The following NEGR1 variants were observed in gnomAD, a reference collection of about 807,000 sequenced individuals.
NEGR1 encodes IgLON family member 4.
In NEGR1, 10 loss-of-function variants were observed where a neutral mutation model predicts 40.9. The ratio of observed to expected loss-of-function variants is 0.24; its 90% CI spans 0.15 to 0.42. NEGR1 has a LOEUF of 0.42. NEGR1 is among the 10% of genes least tolerant of loss of function. The pLI, the probability that NEGR1 is intolerant of heterozygous loss-of-function variation, is 1.00. For synonymous variants in NEGR1, 185 were observed against 166.8 expected, an observed-to-expected ratio of 1.11 and a Z score of -0.84; for missense variants, 352 against 438.9, an observed-to-expected ratio of 0.80 and a Z score of 1.77.
At position 71,941,442 on chromosome 1, in the gene NEGR1, GATA is replaced by G. The variant is rs754635425; in HGVS notation, c.177-6134_177-6132del. On this transcript the variant is annotated intron_variant, in intron 1 of 6. Transcript: ENST00000357731. ...TGTATGGTTATATAAATATTTCCTA[GATA>G]ATAATATCACTTTATATAATCTTAT... Among the ~76,000 whole-genome samples the G allele has an allele frequency of 5.9e-5, 9 of 152,014 alleles. No homozygotes were observed. The East Asian group carries it at 7.7e-4, about 13-fold the overall frequency.
intron 1 of NEGR1, among the ~76,000 whole-genome samples, chr1:72,248,940 T>A (rs892398985): frequency 6.6e-6 from 1 of 152,184 alleles, no homozygotes; most frequent in Non-Finnish European, 1.5e-5. Context: ...AACCATATTA[T>A]CTGTAAAGTT....
chr1:72,123,411 A>G (rs1440559289), intron 1 of NEGR1, among the ~76,000 whole-genome samples: 1 of 151,888 alleles, frequency 6.6e-6, no homozygotes, highest in Non-Finnish European at 1.5e-5. Flanking sequence ...TTAAAACCGT[A>G]TAACTAAAAT....
At chr1:71,928,286 A>ATGTG (rs1645809974) in intron 2 of NEGR1, among the ~76,000 whole-genome samples, 1 of 141,542 alleles carries the variant, frequency 7.1e-6, no homozygotes, top group Non-Finnish European at 1.5e-5. Context: ...ATATACACAC[A>ATGTG]TATGTATATA....
intron 1 of NEGR1, among the ~76,000 whole-genome samples, chr1:72,200,904 T>C (rs999286856): frequency 2.6e-5 from 4 of 151,988 alleles, no homozygotes; most frequent in African/African-American, 9.6e-5. Flanking sequence ...TATACTTTAC[T>C]AATAATAAGT....
intron 1 of NEGR1, among the ~76,000 whole-genome samples, chr1:72,162,777 CTTA>C (rs1557557500): frequency 6.6e-6 from 1 of 152,108 alleles, no homozygotes; most frequent in Non-Finnish European, 1.5e-5. Context: ...CAATCATGGT[CTTA>C]TTATGTGATT....
chr1:71,460,596 T>G (rs181401735), intron 6 of NEGR1, among the ~76,000 whole-genome samples: 1 of 152,222 alleles, frequency 6.6e-6, no homozygotes, highest in African/African-American at 2.4e-5. Flanking sequence ...TGATACTTAG[T>G]GTATCTTGTG....
chr1:71,567,728 T>A (rs531763502), intron 6 of NEGR1, among the ~76,000 whole-genome samples: 1 of 152,282 alleles, frequency 6.6e-6, no homozygotes, highest in South Asian at 2.1e-4. Context: ...CCCCTCCGCC[T>A]CAAATTTGTA....
intron 1 of NEGR1, among the ~76,000 whole-genome samples, chr1:72,224,196 AT>A (rs1341289440): frequency 7.7e-6 from 1 of 129,974 alleles, no homozygotes; most frequent in Non-Finnish European, 1.9e-5. Flanking sequence ...GACATTCAAC[AT>A]TTACTGTCTA....
intron 1 of NEGR1, among the ~76,000 whole-genome samples, chr1:72,067,687 G>T (rs567842605): frequency 1.3e-5 from 2 of 152,012 alleles, no homozygotes; most frequent in South Asian, 4.1e-4. Flanking sequence ...TATCAGGTTT[G>T]TGGATTTGAA....
chr1:71,993,971 C>T (rs1222312813), intron 1 of NEGR1, among the ~76,000 whole-genome samples: 1 of 152,144 alleles, frequency 6.6e-6, no homozygotes, highest in Non-Finnish European at 1.5e-5. Flanking sequence ...CTCCACTCTT[C>T]TTACCACCTA....
At chr1:71,873,766 G>A (rs188302047) in intron 2 of NEGR1, among the ~76,000 whole-genome samples, 3 of 152,206 alleles carry the variant, frequency 2.0e-5, no homozygotes, top group Admixed American at 1.3e-4. Flanking sequence ...GGGTGTTACT[G>A]TAATAGTTCA....
chr1:71,478,333 G>C (rs1439318859), intron 6 of NEGR1, among the ~76,000 whole-genome samples: 1 of 152,024 alleles, frequency 6.6e-6, no homozygotes, highest in East Asian at 1.9e-4. Flanking sequence ...GGCATTTTAT[G>C]GTCTGGCACA....
At chr1:71,770,895 T>C (rs1009736004) in intron 3 of NEGR1, among the ~76,000 whole-genome samples, 2 of 152,146 alleles carry the variant, frequency 1.3e-5, no homozygotes, top group Non-Finnish European at 2.9e-5. Flanking sequence ...AGTGTGGTAA[T>C]TCCTTAAGGA....
intron 1 of NEGR1, among the ~76,000 whole-genome samples, chr1:72,004,445 G>A (rs1324178431): frequency 1.3e-5 from 2 of 151,990 alleles, no homozygotes; most frequent in Non-Finnish European, 2.9e-5. Context: ...TCAGGCATGC[G>A]CCACCACTCG....
chr1:71,739,647 T>C (rs1013354209), intron 3 of NEGR1, among the ~76,000 whole-genome samples: 4 of 152,160 alleles, frequency 2.6e-5, no homozygotes, highest in Admixed American at 6.6e-5. Context: ...AATAAAAGTT[T>C]ACTTTCATTT....
intron 3 of NEGR1, among the ~76,000 whole-genome samples, chr1:71,768,999 CA>C (rs1461857903): frequency 6.6e-6 from 1 of 152,038 alleles, no homozygotes; most frequent in Admixed American, 6.6e-5. Flanking sequence ...GAGGCCTCCC[CA>C]GAAGCAGAAG....
At chr1:71,937,342 G>C (rs2100236013) in intron 1 of NEGR1, among the ~76,000 whole-genome samples, 1 of 152,282 alleles carries the variant, frequency 6.6e-6, no homozygotes, top group East Asian at 1.9e-4. Context: ...CCATTTCACA[G>C]ATCACATTTG....
intron 1 of NEGR1, among the ~76,000 whole-genome samples, chr1:72,094,602 A>T (rs962676278): frequency 2.6e-5 from 4 of 152,174 alleles, no homozygotes; most frequent in African/African-American, 9.6e-5. Flanking sequence ...TATAAAGATC[A>T]TCCCAATCAA....
intron 1 of NEGR1, among the ~76,000 whole-genome samples, chr1:72,040,302 G>A (rs1341532143): frequency 6.6e-6 from 1 of 151,810 alleles, no homozygotes; most frequent in Non-Finnish European, 1.5e-5. Flanking sequence ...AGAAAATTCT[G>A]TGTTGAATCT....
Sources: gnomAD v4.1 joint callset for allele counts (sites outside exome capture counted in the v4.1 genomes callset) on GRCh38, gnomAD v4.1.1 for gene constraint, MANE v1.5 for transcripts, NCBI Gene and HGNC (gene_info 2026-07-23, HGNC 2026-07-21) for gene names.